The following ZNF483 variants were observed in gnomAD, a reference collection of about 807,000 sequenced individuals.
The protein encoded by ZNF483 is zinc finger protein HIT-10.
ZNF483 carries 9 observed loss-of-function variants against 28.6 expected under a neutral mutation model. The observed-to-expected ratio is 0.32, with a 90% CI of 0.19 to 0.55. The LOEUF (loss-of-function observed/expected upper bound fraction) is 0.55, where lower values mean the gene tolerates loss of function less well. Among genes scored for constraint, ZNF483 ranks in the 20% least tolerant of loss-of-function variants. The pLI is 0.93. For synonymous variants in ZNF483, 322 were observed against 306.2 expected, an observed-to-expected ratio of 1.05 and a Z score of -0.54; for missense variants, 675 against 871.7, an observed-to-expected ratio of 0.77 and a Z score of 2.84.
chr9:111,569,701 G>A (rs573292233), intron 5 of ZNF483, among the ~76,000 whole-genome samples: 1 of 152,330 alleles, frequency 6.6e-6, no homozygotes, highest in South Asian at 2.1e-4. Flanking sequence ...GGAGGCGGAG[G>A]TTGCCGTGAG....
rs1827788390 is a variant in ZNF483 at position 111,545,607 on chromosome 9, T to G, written c.*2437T>G. 6.6e-6 allele frequency among the ~76,000 whole-genome samples: 1 copy of G among 152,304 alleles called. No individual in the cohort carries two copies. Among genetic ancestry groups the G allele is most frequent in the Non-Finnish European group, 1.5e-5 (1 of 68,016 alleles). On this transcript the variant is annotated 3_prime_UTR_variant, in exon 6 of 6. Transcript: ENST00000309235. ...ACCTCTAATCCCAGGCACCCACTAC[T>G]CAGTCGACTTTGTGTCTCTAGAGTT...
chr9:111,540,294 A>T (rs866173615), intron 5 of ZNF483, among the ~76,000 whole-genome samples: 2 of 152,332 alleles, frequency 1.3e-5, no homozygotes, highest in South Asian at 4.1e-4. Context: ...AGAATTGTGT[A>T]TTGGCCATTA....
intron 5 of ZNF483, among the ~76,000 whole-genome samples, 183 bp downstream of exon 5, chr9:111,534,536 C>T (rs948649186): frequency 6.6e-6 from 1 of 151,894 alleles, no homozygotes; most frequent in Non-Finnish European, 1.5e-5. Context: ...TGAATAGATG[C>T]CAGGACATGA....
chr9:111,577,877 A>G (rs1644706357), downstream of ZNF483: 1 of 152,120 alleles, frequency 6.6e-6, no homozygotes, highest in Non-Finnish European at 1.5e-5. Context: ...AGCACTGATA[A>G]ATTCTATGAT....
At chr9:111,572,884 G>A (rs1828889713) in intron 5 of ZNF483, among the ~76,000 whole-genome samples, 1 of 151,972 alleles carries the variant, frequency 6.6e-6, no homozygotes, top group African/African-American at 2.4e-5. Flanking sequence ...GTGAAATGCT[G>A]TTTCTGGATT....
rs745604911 is a variant in ZNF483, at chr9:111,541,741, G to A, written c.806G>A (p.Gly269Asp). The A allele has an allele frequency of 1.9e-6, 3 of 1,614,044 alleles. No individual in the cohort carries two copies. Among genetic ancestry groups the A allele is most frequent in the Non-Finnish European group, 2.5e-6 (3 of 1,180,044 alleles). ...GLMEESQQYC[G>D]SSEEDHGNQG... ...ATGGAAGAATCCCAGCAATATTGTG[G>A]CAGCTCAGAGGAGGATCACGGTAAT... Residue 269 changes from glycine (G) to aspartate (D), a missense_variant, in exon 6 of 6, where the codon GGC (glycine) becomes GAC (aspartate). Physicochemically the swap from Gly to Asp is moderately conservative, Grantham distance 94. Coordinates refer to ENST00000309235, the MANE Select transcript of ZNF483 (RefSeq NM_133464.5).
intron 2 of ZNF483, among the ~76,000 whole-genome samples, chr9:111,528,468 A>G (rs948433697): frequency 6.6e-6 from 1 of 152,226 alleles, no homozygotes. Context: ...CGGTGATATC[A>G]TTATAAAATA....
chr9:111,573,524 C>T (rs143383112), intron 5 of ZNF483, among the ~76,000 whole-genome samples: 76 of 152,296 alleles, frequency 5.0e-4, no homozygotes, highest in Non-Finnish European at 8.5e-4. Context: ...TTGCCTGGAT[C>T]CTGATTAGAG....
chr9:111,533,989 C>G (rs1827412740), intron 4 of ZNF483, 124 bp downstream of exon 4: 2 of 1,202,618 alleles, frequency 1.7e-6, no homozygotes, highest in African/African-American at 1.5e-5. Flanking sequence ...ACTGATAGGA[C>G]TAATCCTAAA....
chr9:111,572,357 G>A (rs1404079955), intron 5 of ZNF483, among the ~76,000 whole-genome samples: 1 of 152,186 alleles, frequency 6.6e-6, no homozygotes, highest in Non-Finnish European at 1.5e-5. Context: ...CACTTTGGAA[G>A]ACTGAAGGGA....
rs890441201 is a variant in ZNF483, at chr9:111,554,943, G to C, written c.*11773G>C. ...TTTGCCTTTGGGACCCTAAATGTCA[G>C]TGCCTGTTAATTTTTCTTTGAGAAG... On this transcript the variant is annotated 3_prime_UTR_variant, in exon 6 of 6. Coordinates refer to ENST00000309235, the MANE Select transcript of ZNF483 (RefSeq NM_133464.5). 6.6e-6 allele frequency among the ~76,000 whole-genome samples: 1 copy of C among 152,144 alleles called. No individual in the cohort carries two copies. Among genetic ancestry groups the C allele is most frequent in the African/African-American group, 2.4e-5 (1 of 41,444 alleles).
In ZNF483 at chr9:111,561,147, G is replaced by GAGA. The variant is rs1491187821; in HGVS notation, c.722-15218_722-15217insAGA. ...GAGAGAGAGAGAGAGAGGAGAGAGAGGGAGAGAGAGAGAGAGAGAGAGAGA... is the reference window on the plus strand; with the variant it reads ...GAGAGAGAGAGAGAGAGGAGAGAGAGAGAGGAGAGAGAGAGAGAGAGAGAGAGA... On this transcript the variant is annotated intron_variant, in intron 5 of 5. Coordinates refer to the ZNF483 transcript ENST00000358151. Among the ~76,000 whole-genome samples the GAGA allele has an allele frequency of 3.7e-3, 166 of 44,630 alleles. 14 individuals carry two copies. Among genetic ancestry groups the GAGA allele is most frequent in the Non-Finnish European group, 4.6e-3 (111 of 24,240 alleles). 29.3% of individuals were successfully genotyped at this position (44,630 alleles called of 152,430 possible).
chr9:111,559,597 CTCACACACACACAT>C (rs1828216756), downstream of ZNF483, among the ~76,000 whole-genome samples: 1 of 151,756 alleles, frequency 6.6e-6, no homozygotes, highest in Non-Finnish European at 1.5e-5. Flanking sequence ...CACACACACA[CTCACACACACACAT>C]ATACAACATA....
At position 111,550,542 on chromosome 9, in the gene ZNF483, T is replaced by C. The variant is rs958017011; in HGVS notation, c.*7372T>C. On this transcript the variant is annotated 3_prime_UTR_variant, in exon 6 of 6. Coordinates refer to ENST00000309235, the MANE Select transcript of ZNF483 (RefSeq NM_133464.5). ...TTAACTGCAATTTACCACTCAGAAT[T>C]TCCCCTAGAAGCTACAAGTGTTCAG... is the stretch of plus-strand genomic sequence containing the variant. 4.6e-5 allele frequency among the ~76,000 whole-genome samples: 7 copies of C among 152,170 alleles called. No individual in the cohort carries two copies. Among genetic ancestry groups the C allele is most frequent in the African/African-American group, 1.7e-4 (7 of 41,448 alleles).
rs1828004078 is a variant in ZNF483 at position 111,552,660 on chromosome 9, TA to T, written c.*9493del. 6.6e-6 allele frequency among the ~76,000 whole-genome samples: 1 copy of T among 152,194 alleles called. No individual in the cohort carries two copies. The highest frequency in any genetic ancestry group is 6.5e-5 in the Admixed American group (1 of 15,270). Reference sequence around the variant, plus strand: ...ATTGCCTTTACATGAATCGACATTGTAAATTTGGAGGTTCTTTGAGACAGAA... The same window carrying T: ...ATTGCCTTTACATGAATCGACATTGTAATTTGGAGGTTCTTTGAGACAGAA... On this transcript the variant is annotated 3_prime_UTR_variant, in exon 6 of 6. Transcript: ENST00000309235.
At chr9:111,576,727 TTA>T (rs1829073770) in exon 6 of ZNF483, 1 of 235,164 alleles carries the variant, frequency 4.3e-6, no homozygotes, top group East Asian at 8.6e-5. Context: ...GGTGGTGACC[TTA>T]TAGAACATAA....
chr9:111,535,936 G>C (rs1300185556), intron 5 of ZNF483, among the ~76,000 whole-genome samples: 2 of 148,254 alleles, frequency 1.3e-5, no homozygotes, highest in East Asian at 4.0e-4. Context: ...ACCCAGGCTG[G>C]AGTGCAGTGC....
rs148512199 is a variant in ZNF483 at position 111,542,753 on chromosome 9, A to T, written c.1818A>T (p.Pro606=). 2 of 1,614,110 alleles carry T rather than the reference A, an allele frequency of 1.2e-6. No homozygotes were observed. The highest frequency in any genetic ancestry group is 1.3e-5 in the African/African-American group (1 of 75,042). The part of the protein sequence containing the change: ...RHQRIHTGEK[P]YLCNDCGMTF... ...AGAGAATTCACACTGGAGAAAAACC[A>T]TATTTGTGTAATGATTGCGGAATGA... The change falls in exon 6 of 6, where the codon CCA becomes CCT. Residue 606 remains proline (P), a synonymous_variant. Coordinates refer to ENST00000309235, the MANE Select transcript of ZNF483 (RefSeq NM_133464.5). The surrounding 1 kb of genome is among the most constrained non-coding windows in gnomAD (Gnocchi z 6.2).
chr9:111,532,073 C>G (rs1371472867), intron 3 of ZNF483, among the ~76,000 whole-genome samples: 1 of 152,112 alleles, frequency 6.6e-6, no homozygotes, highest in Non-Finnish European at 1.5e-5. Flanking sequence ...CTTTGGGAGG[C>G]CGGGGTGGGA....
Sources: allele counts gnomAD v4.1 joint callset (sites outside exome capture counted in the v4.1 genomes callset), GRCh38; gene constraint gnomAD v4.1.1; non-coding constraint Gnocchi (gnomAD v3.1); transcripts MANE v1.5; gene names NCBI Gene and HGNC (gene_info 2026-07-23, HGNC 2026-07-21).